The following FSTL4 variants were observed in gnomAD, a reference collection of about 807,000 sequenced individuals.
FSTL4 encodes the protein follistatin-related protein 4.
FSTL4 carries 28 observed loss-of-function variants against 78.2 expected under a neutral mutation model. The ratio of observed to expected loss-of-function variants is 0.36; its 90% CI spans 0.27 to 0.49. FSTL4 has a LOEUF of 0.49. Among genes scored for constraint, FSTL4 ranks in the 20% least tolerant of loss-of-function variants. FSTL4 has a pLI of 0.98. For synonymous variants in FSTL4, 422 were observed against 440.5 expected (o/e 0.96, Z 0.53); for missense variants, 922 against 1,084.9 (o/e 0.85, Z 2.11).
chr5:133,620,953 C>T, the FSTL4 span, among the ~76,000 whole-genome samples: 2 of 152,104 alleles, frequency 1.3e-5, no homozygotes, highest in Admixed American at 6.6e-5. Flanking sequence ...AGTCATTATT[C>T]GAAAAAGATA....
Position 133,199,543 on chromosome 5 carries a change from G to T in FSTL4, c.2081C>A (p.Thr694Lys). Reference protein sequence around the residue: ...PNGDVTGTPHTSPDGRFIVSA... With the variant: ...PNGDVTGTPHKSPDGRFIVSA... ...GACTATGAAGCGCCCGTCGGGGGATGTGTGTGGGGTGCCTGTTACATCACC... is the reference window on the plus strand; with the variant it reads ...GACTATGAAGCGCCCGTCGGGGGATTTGTGTGGGGTGCCTGTTACATCACC... Residue 694 changes from threonine (T) to lysine (K), a missense_variant, in exon 16 of 16, where the codon ACA (threonine) becomes AAA (lysine). Thr to Lys is a moderately conservative substitution (Grantham distance 78). Transcript: ENST00000265342. This position sits in a 1 kb window ranked among gnomAD's most constrained non-coding sequence, Gnocchi z 4.4. 1 of 1,614,016 alleles carries T rather than the reference G, an allele frequency of 6.2e-7. No homozygotes were observed. Among genetic ancestry groups the T allele is most frequent in the Non-Finnish European group, 8.5e-7 (1 of 1,179,844 alleles).
At chr5:133,763,698 A>C in the FSTL4 span, among the ~76,000 whole-genome samples, 2 of 152,108 alleles carry the variant, frequency 1.3e-5, no homozygotes, top group African/African-American at 4.8e-5. Context: ...TCCCCCAACC[A>C]ACCCTGGGAA....
At chr5:133,651,063 C>T in the FSTL4 span, among the ~76,000 whole-genome samples, 30 of 152,104 alleles carry the variant, frequency 2.0e-4, no homozygotes, top group African/African-American at 6.3e-4. Context: ...GAAAAGCAAT[C>T]GACACTTGTG....
At chr5:133,410,335 G>A (rs931434097) in intron 3 of FSTL4, among the ~76,000 whole-genome samples, 2 of 152,042 alleles carry the variant, frequency 1.3e-5, no homozygotes, top group African/African-American at 4.8e-5. Flanking sequence ...TAGCTCCTTT[G>A]TCACTTTCCC....
At chr5:133,672,393 G>A in the FSTL4 span, among the ~76,000 whole-genome samples, 2 of 152,170 alleles carry the variant, frequency 1.3e-5, no homozygotes, top group Non-Finnish European at 2.9e-5. Flanking sequence ...CCCATTTTTG[G>A]TTTAAGCCAG....
In FSTL4 at chr5:133,199,467, C is replaced by T; in HGVS notation, c.2157G>A (p.Arg719=). Residue 719 remains arginine, a synonymous_variant, in exon 16 of 16, where the codon CGG becomes CGA. Transcript: ENST00000265342. The surrounding 1 kb of genome is among the most constrained non-coding windows in gnomAD (Gnocchi z 4.4). ...PWLHVQEITV[R]GEIQTLYDLQ... is the part of the protein sequence containing the mutation. ...GGTCATACAGGGTCTGGATCTCGCC[C>T]CGCACTGTGATCTCCTGCACGTGCA... is the stretch of plus-strand genomic sequence containing the variant. 2.5e-6 allele frequency: 4 copies of T among 1,614,204 alleles called. No homozygotes were observed. Among genetic ancestry groups the T allele is most frequent in the South Asian group, 1.1e-5 (1 of 91,088 alleles).
chr5:133,303,370 G>T (rs1753591024), intron 6 of FSTL4, among the ~76,000 whole-genome samples: 1 of 152,210 alleles, frequency 6.6e-6, no homozygotes, highest in South Asian at 2.1e-4. Flanking sequence ...GGGGTTTCCA[G>T]CTCACTCCTC....
chr5:133,580,412 T>C (rs1760374895), intron 2 of FSTL4, among the ~76,000 whole-genome samples: 2 of 152,224 alleles, frequency 1.3e-5, no homozygotes, highest in Admixed American at 1.3e-4. Flanking sequence ...TAGATATTTA[T>C]TGTCCTGGAG....
At chr5:133,748,432 T>C in the FSTL4 span, among the ~76,000 whole-genome samples, 1 of 148,158 alleles carries the variant, frequency 6.7e-6, no homozygotes, top group South Asian at 2.1e-4. Flanking sequence ...TTAGCTGGGC[T>C]TGGTGGTGTA....
intron 3 of FSTL4, among the ~76,000 whole-genome samples, chr5:133,521,127 C>T (rs1758972275): frequency 6.6e-6 from 1 of 152,130 alleles, no homozygotes; most frequent in Admixed American, 6.5e-5. Context: ...CCCAGCCCCA[C>T]TCTTAGGGTG....
intron 3 of FSTL4, among the ~76,000 whole-genome samples, chr5:133,421,429 C>T (rs1335568051): frequency 1.3e-5 from 2 of 152,372 alleles, no homozygotes; most frequent in South Asian, 2.1e-4. Flanking sequence ...CAGCCACTGT[C>T]GGGGGACTCC....
intron 3 of FSTL4, among the ~76,000 whole-genome samples, chr5:133,444,330 C>A (rs1234551351): frequency 1.3e-5 from 2 of 152,156 alleles, no homozygotes; most frequent in Non-Finnish European, 2.9e-5. Flanking sequence ...CTGGCTTCTC[C>A]AGGGCCCATG....
Position 133,583,425 on chromosome 5 carries a change from C to T in FSTL4, c.127-16206G>A, listed in dbSNP as rs1383747795. On this transcript the variant is annotated intron_variant, in intron 2 of 15. Coordinates refer to ENST00000265342, the MANE Select transcript of FSTL4 (RefSeq NM_015082.2). ...ACTAGGGAGTGCCAGACAGTGGGCG[C>T]AGGCCAGTGTGTGCGCACCGTGCGC... The T allele has an allele frequency of 1.0e-5, 3 of 289,294 alleles. 1 individual carries two copies. Among genetic ancestry groups the T allele is most frequent in the African/African-American group, 7.6e-5 (3 of 39,410 alleles). 17.9% of individuals were successfully genotyped at this position (289,294 alleles called of 1,614,324 possible). A position where few individuals can be genotyped will look rare whatever the true frequency, so the allele number is the denominator to read the frequency against.
intron 4 of FSTL4, among the ~76,000 whole-genome samples, chr5:133,331,619 G>A (rs1754348806): frequency 6.6e-6 from 1 of 152,136 alleles, no homozygotes; most frequent in African/African-American, 2.4e-5. Flanking sequence ...GGCAGGAAAT[G>A]GCATTTCAGA....
At chr5:133,702,730 G>A in the FSTL4 span, among the ~76,000 whole-genome samples, 1 of 152,216 alleles carries the variant, frequency 6.6e-6, no homozygotes, top group Non-Finnish European at 1.5e-5. Context: ...TGAGGACTGA[G>A]TTCCAGGGAA....
At chr5:133,313,178 T>G (rs1753828966) in intron 5 of FSTL4, among the ~76,000 whole-genome samples, 1 of 152,202 alleles carries the variant, frequency 6.6e-6, no homozygotes, top group South Asian at 2.1e-4. Flanking sequence ...GAACTCAGTG[T>G]GGGGACAGAG....
the FSTL4 span, among the ~76,000 whole-genome samples, chr5:133,667,082 T>C: frequency 6.6e-6 from 1 of 152,206 alleles, no homozygotes; most frequent in South Asian, 2.1e-4. Flanking sequence ...ACCTAATTCC[T>C]GATCTTCTGC....
intron 6 of FSTL4, among the ~76,000 whole-genome samples, chr5:133,284,469 C>T (rs1027097552): frequency 6.6e-6 from 1 of 152,220 alleles, no homozygotes; most frequent in South Asian, 2.1e-4. Flanking sequence ...CAGAGGGCAG[C>T]AGTAGTTTTG....
intron 3 of FSTL4, among the ~76,000 whole-genome samples, chr5:133,540,259 ACACACG>A (rs901990500): frequency 1.0e-4 from 13 of 123,930 alleles, no homozygotes; most frequent in African/African-American, 2.3e-4. Context: ...ACACACACAC[ACACACG>A]CACTCATTCA....
Sources: allele counts gnomAD v4.1 joint callset (sites outside exome capture counted in the v4.1 genomes callset), GRCh38; gene constraint gnomAD v4.1.1; non-coding constraint Gnocchi (gnomAD v3.1); transcripts MANE v1.5; gene names NCBI Gene and HGNC (gene_info 2026-07-23, HGNC 2026-07-21).